Variants in PIP5KL1 observed in about 807,000 individuals in gnomAD.
PIP5KL1 encodes the protein phosphatidylinositol 4-phosphate 5-kinase-like protein 1.
PIP5KL1 carries 45 observed loss-of-function variants against 47.6 expected under a neutral mutation model. That is an observed-to-expected ratio of 0.94 (90% confidence interval 0.74 to 1.21). The LOEUF (loss-of-function observed/expected upper bound fraction) is 1.21, where lower values mean the gene tolerates loss of function less well. PIP5KL1 is among the 50% of genes most tolerant of loss of function. The probability of loss-of-function intolerance (pLI) is 0.00; values close to 1 mark genes in which losing one functional copy is unlikely to be tolerated. For synonymous variants in PIP5KL1, 256 were observed against 234.6 expected (o/e 1.09, Z -0.84); for missense variants, 577 against 547.6 (o/e 1.05, Z -0.54).
intron 8 of PIP5KL1, chr9:127,925,569 G>A (rs574019175): frequency 2.1e-5 from 10 of 474,488 alleles, no homozygotes; most frequent in Middle Eastern, 5.8e-4. Context: ...GGGTTCAAGC[G>A]ATTCTCCTGC....
At chr9:127,922,402 A>T (rs1248738094) in intron 9 of PIP5KL1, among the ~76,000 whole-genome samples, 1 of 152,206 alleles carries the variant, frequency 6.6e-6, no homozygotes, top group Non-Finnish European at 1.5e-5. Context: ...GACAGGATGA[A>T]AAAAAGGATG....
At chr9:127,924,697 G>C (rs1023958282) in intron 9 of PIP5KL1, among the ~76,000 whole-genome samples, 6 of 151,346 alleles carry the variant, frequency 4.0e-5, no homozygotes, top group East Asian at 1.9e-4. Context: ...AATTAAATAG[G>C]TCTTTTTCTC....
chr9:127,929,613 T>C lies in PIP5KL1; in HGVS notation c.228+75A>G, dbSNP rs1224246280. 1.4e-6 allele frequency: 2 copies of C among 1,388,906 alleles called. No homozygotes were observed. The highest frequency in any genetic ancestry group is 2.9e-5 in the African/African-American group (2 of 68,984). 86.0% of individuals were successfully genotyped at this position (1,388,906 alleles called of 1,614,324 possible). ...CCCTCTCTGATCCCCACACCTGCAGTTTCAGCCAGACAGGGCATCAGCCAA... is the reference window on the plus strand; with the variant it reads ...CCCTCTCTGATCCCCACACCTGCAGCTTCAGCCAGACAGGGCATCAGCCAA... On this transcript the variant is annotated intron_variant, in intron 2 of 9. Transcript: ENST00000388747. This position sits in a 1 kb window ranked among gnomAD's most constrained non-coding sequence, Gnocchi z 4.0.
chr9:127,927,939 C>A lies in PIP5KL1; in HGVS notation c.434+126G>T. ...CTCCCCGATCTGTCCACCATCCGGC[C>A]CTGACCCTCCCAGATTAGGGCCGCT... is the stretch of plus-strand genomic sequence containing the variant. On this transcript the variant is annotated intron_variant, in intron 4 of 9. Coordinates refer to ENST00000388747, the MANE Select transcript of PIP5KL1 (RefSeq NM_001135219.2). The surrounding 1 kb of genome is among the most constrained non-coding windows in gnomAD (Gnocchi z 5.5). The A allele has an allele frequency of 1.0e-5, 15 of 1,449,274 alleles. No individual in the cohort carries two copies. The highest frequency in any genetic ancestry group is 1.0e-5 in the Non-Finnish European group (11 of 1,091,330). 89.8% of individuals were successfully genotyped at this position (1,449,274 alleles called of 1,614,324 possible).
At chr9:127,930,695 T>A in intron 1 of PIP5KL1, 28 bp downstream of exon 1, 1 of 1,557,926 alleles carries the variant, frequency 6.4e-7, no homozygotes, top group South Asian at 1.2e-5. Context: ...CCCTTCCCTC[T>A]CCTGTCCTCT....
At position 127,921,581 on chromosome 9, in the gene PIP5KL1, C is replaced by T. The variant is rs776822689; in HGVS notation, c.*266G>A. 1 of 494,652 alleles carries T rather than the reference C, an allele frequency of 2.0e-6. No individual in the cohort carries two copies. The highest frequency in any genetic ancestry group is 3.6e-6 in the Non-Finnish European group (1 of 274,772). The allele number at this position is 494,652 out of a possible 1,614,324, so 30.6% of individuals were successfully genotyped here. A position where few individuals can be genotyped will look rare whatever the true frequency, so the allele number is the denominator to read the frequency against. ...TGAATGATCTTGATCAGTCCCTTCA[C>T]CCCCTGAGCCTCCATTTCATGGTCT... On this transcript the variant is annotated 3_prime_UTR_variant, in exon 10 of 10. Transcript: ENST00000388747.
intron 9 of PIP5KL1, among the ~76,000 whole-genome samples, chr9:127,924,122 A>G (rs1404696410): frequency 4.6e-5 from 7 of 152,234 alleles, no homozygotes; most frequent in Non-Finnish European, 1.0e-4. Flanking sequence ...TAATCCCAAC[A>G]CTTTGGGAGG....
At position 127,927,645 on chromosome 9, in the gene PIP5KL1, T is replaced by A. The variant is rs1021092595; in HGVS notation, c.559+3A>T. The A allele has an allele frequency of 2.6e-6, 4 of 1,531,332 alleles. No individual in the cohort carries two copies. Among genetic ancestry groups the A allele is most frequent in the African/African-American group, 2.8e-5 (2 of 72,022 alleles). 94.9% of individuals were successfully genotyped at this position (1,531,332 alleles called of 1,614,324 possible). A position where few individuals can be genotyped will look rare whatever the true frequency, so the allele number is the denominator to read the frequency against. On this transcript the variant is annotated splice_donor_region_variant and intron_variant, in intron 5 of 9. Transcript: ENST00000388747. The surrounding 1 kb of genome is among the most constrained non-coding windows in gnomAD (Gnocchi z 5.5). ...CCACCGAGCCCCGCCCCCAGCCAAG[T>A]ACCCAGCAACCGCGCCAGCAGCGAG... is the stretch of plus-strand genomic sequence containing the variant.
rs1323365403 is a variant in PIP5KL1, at chr9:127,921,027, G to T, written c.*820C>A. On this transcript the variant is annotated 3_prime_UTR_variant, in exon 10 of 10. Coordinates refer to ENST00000388747, the MANE Select transcript of PIP5KL1 (RefSeq NM_001135219.2). ...CGGAGCAGTTCTGGAGGAAAGGCCC[G>T]CTTGGGCTTGGGCATGGTCGGATTG... The T allele has an allele frequency of 1.3e-5, 2 of 152,294 alleles. No individual in the cohort carries two copies. Among genetic ancestry groups the T allele is most frequent in the Admixed American group, 6.5e-5 (1 of 15,276 alleles). The allele number at this position is 152,294 out of a possible 1,614,324, so 9.4% of individuals were successfully genotyped here. A position where few individuals can be genotyped will look rare whatever the true frequency, so the allele number is the denominator to read the frequency against.
At chr9:127,925,325 TCTG>T in intron 8 of PIP5KL1, 65 bp from the exon 9 acceptor site, 3 of 1,561,416 alleles carry the variant, frequency 1.9e-6, no homozygotes, top group Non-Finnish European at 2.6e-6. Context: ...CTCCACACAC[TCTG>T]CCCCGTGACA....
At chr9:127,925,366 C>T (rs1053435103) in intron 8 of PIP5KL1, 106 bp from the exon 9 acceptor site, 1 of 1,340,268 alleles carries the variant, frequency 7.5e-7, no homozygotes, top group Non-Finnish European at 1.0e-6. Flanking sequence ...CCCCATCTCA[C>T]AAATAAAGAA....
Position 127,927,359 on chromosome 9 carries a change from G to A in PIP5KL1, c.560-28C>T, listed in dbSNP as rs781034682. ...GGAAGGGGAGAGGGCGCCGGATGAGGATCCCCAAACTCCACAACCCGGGGT... is the reference window on the plus strand; with the variant it reads ...GGAAGGGGAGAGGGCGCCGGATGAGAATCCCCAAACTCCACAACCCGGGGT... On this transcript the variant is annotated intron_variant, in intron 5 of 9. Coordinates refer to ENST00000388747, the MANE Select transcript of PIP5KL1 (RefSeq NM_001135219.2). The surrounding 1 kb of genome is among the most constrained non-coding windows in gnomAD (Gnocchi z 5.5). The A allele has an allele frequency of 2.5e-6, 4 of 1,596,404 alleles. No individual in the cohort carries two copies. Among genetic ancestry groups the A allele is most frequent in the South Asian group, 1.1e-5 (1 of 88,954 alleles).
In PIP5KL1 at chr9:127,929,092, C is replaced by T. The variant is rs1366349175; in HGVS notation, c.228+596G>A. On this transcript the variant is annotated intron_variant, in intron 2 of 9. Coordinates refer to ENST00000388747, the MANE Select transcript of PIP5KL1 (RefSeq NM_001135219.2). The surrounding 1 kb of genome is among the most constrained non-coding windows in gnomAD (Gnocchi z 4.0). ...TTGGGGAGCCATGGAAGCTTTTCAG[C>T]AGGTGATGAGGTCAGTTTGTGATTT... is the stretch of plus-strand genomic sequence containing the variant. Among the ~76,000 whole-genome samples, 1 of 152,212 alleles carries T rather than the reference C, an allele frequency of 6.6e-6. No individual in the cohort carries two copies. Among genetic ancestry groups the T allele is most frequent in the East Asian group, 1.9e-4 (1 of 5,200 alleles).
In PIP5KL1 at chr9:127,928,117, G is replaced by A. The variant is rs1199059555; in HGVS notation, c.382C>T (p.Pro128Ser). 1.3e-6 allele frequency: 2 copies of A among 1,565,656 alleles called. No individual in the cohort carries two copies. Among genetic ancestry groups the A allele is most frequent in the Non-Finnish European group, 1.7e-6 (2 of 1,157,252 alleles). The stretch of plus-strand genomic sequence containing the variant: ...GAGGTGCTGAGGAACTGCAGGTAGG[G>A]GCCGCCGGGGCCCAGGGCAGCCTGA... ...DYQAALGPGGPYLQFLSTSKS... is the reference protein window; with the variant it reads ...DYQAALGPGGSYLQFLSTSKS... Residue 128 changes from proline (P) to serine (S), a missense_variant, in exon 4 of 10, where the codon CCC (proline) becomes TCC (serine). Pro to Ser is a moderately conservative substitution (Grantham distance 74). Transcript: ENST00000388747.
chr9:127,925,615 A>G (rs1044812778), intron 8 of PIP5KL1: 1 of 510,072 alleles, frequency 2.0e-6, no homozygotes, highest in African/African-American at 1.9e-5. Flanking sequence ...ATAGGCGGGT[A>G]CCACCACGCC....
At chr9:127,930,598 C>G (rs1588686699) in intron 1 of PIP5KL1, 125 bp downstream of exon 1, 1 of 1,240,614 alleles carries the variant, frequency 8.1e-7, no homozygotes, top group East Asian at 3.1e-5. Context: ...GTGTCCTGGT[C>G]TTCGCCGGCT....
At chr9:127,924,615 C>G (rs1177946909) in intron 9 of PIP5KL1, among the ~76,000 whole-genome samples, 1 of 146,738 alleles carries the variant, frequency 6.8e-6, no homozygotes, top group Non-Finnish European at 1.5e-5. Context: ...GAGAGGGCAC[C>G]ACTGCATTCC....
In PIP5KL1 at chr9:127,921,911, G is replaced by A. The variant is rs750869593; in HGVS notation, c.1121C>T (p.Ser374Phe). The A allele has an allele frequency of 1.9e-6, 3 of 1,577,946 alleles. No homozygotes were observed. The highest frequency in any genetic ancestry group is 3.6e-5 in the Admixed American group (2 of 55,890). Residue 374 changes from serine to phenylalanine, a missense_variant, in exon 10 of 10, where the codon TCC becomes TTC. Physicochemically the swap from Ser to Phe is radical, Grantham distance 155. Coordinates refer to ENST00000388747, the MANE Select transcript of PIP5KL1 (RefSeq NM_001135219.2). ...GGCGTAGCGAGCCGGGCTGACAGTG[G>A]AGAAGGTCCGGCCTGGGTAGCGCAG... is the stretch of plus-strand genomic sequence containing the variant. ...KTLRYPGRTFSTVSPARYARR... is the reference protein window; with the variant it reads ...KTLRYPGRTFFTVSPARYARR...
chr9:127,924,737 C>T (rs1188525945), intron 9 of PIP5KL1, among the ~76,000 whole-genome samples: 2 of 151,958 alleles, frequency 1.3e-5, no homozygotes, highest in African/African-American at 4.8e-5. Context: ...GTTCCACAGC[C>T]CCACTGGAAA....
Sources: gnomAD v4.1 joint callset for allele counts (sites outside exome capture counted in the v4.1 genomes callset) on GRCh38, gnomAD v4.1.1 for gene constraint, Gnocchi (gnomAD v3.1) non-coding constraint, MANE v1.5 for transcripts, NCBI Gene and HGNC (gene_info 2026-07-23, HGNC 2026-07-21) for gene names.